Variants in ISOC1 observed in about 807,000 individuals in gnomAD.
The protein encoded by ISOC1 is isochorismatase domain containing 1, also known as isochorismatase domain-containing protein 1.
A neutral mutation model predicts 30.0 loss-of-function variants in ISOC1; 33 were observed. The observed-to-expected ratio is 1.10, with a 90% CI of 0.83 to 1.47. ISOC1 has a LOEUF of 1.47. Ranked by LOEUF, ISOC1 falls within the 40% of genes most tolerant of loss-of-function variation. The probability of loss-of-function intolerance (pLI) is 0.00; values close to 1 mark genes in which losing one functional copy is unlikely to be tolerated. For missense variants in ISOC1, 372 were observed against 388.0 expected, an observed-to-expected ratio of 0.96 and a Z score of 0.35; for synonymous variants, 178 against 159.8, an observed-to-expected ratio of 1.11 and a Z score of -0.86.
chr5:129,102,025 GATGTCATTA>G (rs549173169), intron 1 of ISOC1, among the ~76,000 whole-genome samples: 1 of 152,284 alleles, frequency 6.6e-6, no homozygotes, highest in East Asian at 1.9e-4. Context: ...TTATTAACAT[GATGTCATTA>G]ATGACATTAA....
chr5:129,099,783 A>G (rs1753548435), intron 1 of ISOC1, among the ~76,000 whole-genome samples: 1 of 152,238 alleles, frequency 6.6e-6, no homozygotes, highest in African/African-American at 2.4e-5. Flanking sequence ...GAGGGACATC[A>G]GAATAGCCTA....
chr5:129,096,306 G>A (rs1469158907), intron 1 of ISOC1, among the ~76,000 whole-genome samples: 1 of 152,126 alleles, frequency 6.6e-6, no homozygotes, highest in South Asian at 2.1e-4. Context: ...CCTATTATCT[G>A]TGTTTTTTGT....
chr5:129,108,563 G>A (rs1753665716), intron 4 of ISOC1, among the ~76,000 whole-genome samples: 1 of 150,420 alleles, frequency 6.6e-6, no homozygotes, highest in African/African-American at 2.5e-5. Context: ...GGCTGGAAGT[G>A]CAGTGGCACA....
chr5:129,107,036 A>T lies in ISOC1; in HGVS notation c.724A>T (p.Met242Leu). ...TGCTGATGCCACCTCATCAAGAAGC[A>T]TGATGGACAGGATGTTTGCCCTCGA... ...IVADATSSRS[M>L]MDRMFALERL... The change falls in exon 4 of 5, where the codon ATG (methionine) becomes TTG (leucine). Residue 242 changes from methionine to leucine, a missense_variant. Coordinates refer to ENST00000173527, the MANE Select transcript of ISOC1 (RefSeq NM_016048.2). 2 of 1,613,688 alleles carry T rather than the reference A, an allele frequency of 1.2e-6. No homozygotes were observed. Among genetic ancestry groups the T allele is most frequent in the Non-Finnish European group, 1.7e-6 (2 of 1,179,662 alleles).
chr5:129,112,690 G>A lies in ISOC1; in HGVS notation c.751-165G>A, dbSNP rs374586839. ...AATAATCATATTGACTTTGTGGTAT[G>A]CCTGGTCTTGAAATCCATCCCCATC... On this transcript the variant is annotated intron_variant, in intron 4 of 4. Coordinates refer to ENST00000173527, the MANE Select transcript of ISOC1 (RefSeq NM_016048.2). Among the ~76,000 whole-genome samples, 8 of 152,056 alleles carry A rather than the reference G, an allele frequency of 5.3e-5. 1 individual carries two copies. In the South Asian group the frequency reaches 1.7e-3, roughly 32 times the overall value.
chr5:129,107,104 C>A, intron 4 of ISOC1, 42 bp downstream of exon 4: 1 of 1,458,782 alleles, frequency 6.9e-7, no homozygotes, highest in Non-Finnish European at 9.6e-7. Flanking sequence ...TCAAGTTTTC[C>A]AAATAAATGA....
chr5:129,100,787 A>T (rs889720172), intron 1 of ISOC1, among the ~76,000 whole-genome samples: 2 of 151,902 alleles, frequency 1.3e-5, no homozygotes, highest in Admixed American at 1.3e-4. Context: ...TGGGGTGAGG[A>T]TTTGGGAGGA....
At chr5:129,095,559 C>G (rs190273587) in intron 1 of ISOC1, among the ~76,000 whole-genome samples, 253 of 152,190 alleles carry the variant, frequency 1.7e-3, no homozygotes, top group African/African-American at 5.9e-3. Context: ...GGAGTCAAAC[C>G]CATTCCCCCC....
intron 3 of ISOC1, among the ~76,000 whole-genome samples, chr5:129,106,015 T>C (rs902093175): frequency 6.6e-6 from 1 of 152,198 alleles, no homozygotes; most frequent in African/African-American, 2.4e-5. Flanking sequence ...ACTTTTATAG[T>C]AGTAGGTTTT....
chr5:129,098,515 G>A (rs1753534900), intron 1 of ISOC1, among the ~76,000 whole-genome samples: 1 of 152,096 alleles, frequency 6.6e-6, no homozygotes, highest in African/African-American at 2.4e-5. Flanking sequence ...GTAAGTTTTA[G>A]GTAAAGGAAA....
chr5:129,102,037 G>T (rs1753578021), intron 1 of ISOC1, among the ~76,000 whole-genome samples: 1 of 152,128 alleles, frequency 6.6e-6, no homozygotes, highest in South Asian at 2.1e-4. Context: ...TGTCATTAAT[G>T]ACATTAATCT....
intron 1 of ISOC1, 149 bp downstream of exon 1, chr5:129,095,224 C>T (rs1753481190): frequency 2.7e-6 from 2 of 753,644 alleles, no homozygotes; most frequent in African/African-American, 1.9e-5. Context: ...GGCTGCGCGT[C>T]TTTCGCAAGT....
chr5:129,096,859 G>C (rs112440035), intron 1 of ISOC1, among the ~76,000 whole-genome samples: 21 of 152,266 alleles, frequency 1.4e-4, no homozygotes, highest in Admixed American at 2.6e-4. Context: ...CCCCAGCTCT[G>C]TAAGAGTCCC....
intron 1 of ISOC1, among the ~76,000 whole-genome samples, chr5:129,100,184 C>T (rs893542853): frequency 4.6e-5 from 7 of 152,126 alleles, no homozygotes; most frequent in African/African-American, 1.7e-4. Flanking sequence ...AATTGACTAC[C>T]AAATTTTTTA....
chr5:129,108,524 TG>T (rs916769381), intron 4 of ISOC1, among the ~76,000 whole-genome samples: 53 of 152,062 alleles, frequency 3.5e-4, no homozygotes, highest in Non-Finnish European at 6.6e-4. Flanking sequence ...TTTTTTTTTT[TG>T]AGAGATGGAG....
At chr5:129,102,301 A>G (rs1753581965) in intron 1 of ISOC1, among the ~76,000 whole-genome samples, 1 of 152,186 alleles carries the variant, frequency 6.6e-6, no homozygotes, top group South Asian at 2.1e-4. Context: ...TTGCCACTGT[A>G]TTCTCTATGG....
intron 4 of ISOC1, 120 bp downstream of exon 4, chr5:129,107,182 C>G: frequency 1.4e-6 from 1 of 734,744 alleles, no homozygotes; most frequent in Non-Finnish European, 2.4e-6. Flanking sequence ...CTGGCAATAT[C>G]AGACTAATTG....
At chr5:129,098,100 C>T (rs1329138302) in intron 1 of ISOC1, among the ~76,000 whole-genome samples, 4 of 152,148 alleles carry the variant, frequency 2.6e-5, no homozygotes, top group Non-Finnish European at 5.9e-5. Flanking sequence ...AGAATGTATT[C>T]TTCATTTGCG....
chr5:129,107,732 C>A (rs1441757381), intron 4 of ISOC1, among the ~76,000 whole-genome samples: 1 of 152,028 alleles, frequency 6.6e-6, no homozygotes, highest in Admixed American at 6.6e-5. Flanking sequence ...CATCCAGGAA[C>A]CAGAGATGAC....
Sources: gnomAD v4.1 joint callset for allele counts (sites outside exome capture counted in the v4.1 genomes callset) on GRCh38, gnomAD v4.1.1 for gene constraint, MANE v1.5 for transcripts, NCBI Gene and HGNC (gene_info 2026-07-23, HGNC 2026-07-21) for gene names.